Variants in R3HDM2 observed in about 807,000 individuals in gnomAD.
The protein encoded by R3HDM2 is R3H domain-containing protein 2.
Under a neutral mutation model 124.5 loss-of-function variants are expected in R3HDM2, and 38 were observed. The observed-to-expected ratio is 0.31, with a 90% CI of 0.24 to 0.40. The LOEUF (loss-of-function observed/expected upper bound fraction) is 0.40, where lower values mean the gene tolerates loss of function less well. Ranked by LOEUF, R3HDM2 falls within the 10% of genes least tolerant of loss-of-function variation. The probability of loss-of-function intolerance (pLI) is 1.00; values close to 1 mark genes in which losing one functional copy is unlikely to be tolerated. For synonymous variants in R3HDM2, 391 were observed against 448.0 expected (o/e 0.87, Z 1.61); for missense variants, 869 against 1,236.9 (o/e 0.70, Z 4.46).
At chr12:57,395,550 G>T (rs2067383948) in intron 2 of R3HDM2, among the ~76,000 whole-genome samples, 199 bp downstream of exon 2, 1 of 150,540 alleles carries the variant, frequency 6.6e-6, no homozygotes, top group South Asian at 2.2e-4. Context: ...AAAGTGCTGG[G>T]ATTACAGGTG....
intron 2 of R3HDM2, among the ~76,000 whole-genome samples, chr12:57,374,920 C>T (rs1373680331): frequency 1.3e-5 from 2 of 150,672 alleles, no homozygotes; most frequent in South Asian, 2.1e-4. Flanking sequence ...GGCGTGAACC[C>T]GGGAGGCGGA....
At chr12:57,383,623 G>A (rs897911041) in intron 2 of R3HDM2, among the ~76,000 whole-genome samples, 4 of 152,044 alleles carry the variant, frequency 2.6e-5, no homozygotes, top group Non-Finnish European at 4.4e-5. Context: ...CAGGAGAAAC[G>A]CTTGAACCCA....
intron 2 of R3HDM2, among the ~76,000 whole-genome samples, chr12:57,351,686 T>TG (rs1345170119): frequency 3.3e-5 from 5 of 152,166 alleles, no homozygotes; most frequent in Non-Finnish European, 5.9e-5. Context: ...ATATATAAAA[T>TG]GGGGTAACTC....
chr12:57,379,721 A>G (rs1201759390), intron 2 of R3HDM2, among the ~76,000 whole-genome samples: 1 of 152,180 alleles, frequency 6.6e-6, no homozygotes, highest in Non-Finnish European at 1.5e-5. Flanking sequence ...ATTGGCCACA[A>G]AAAGCAAATA....
intron 2 of R3HDM2, among the ~76,000 whole-genome samples, chr12:57,386,155 G>GCTCGCAGCCCTCCCTCGCAGCCCTCC (rs147848342): frequency 1.4e-5 from 2 of 147,368 alleles, no homozygotes; most frequent in Middle Eastern, 3.3e-3. Context: ...TGCTGGCAGC[G>GCTCGCAGCCCTCCCTCGCAGCCCTCC]CTCGCAGCCC....
At chr12:57,325,097 A>G (rs1326709406) in intron 2 of R3HDM2, among the ~76,000 whole-genome samples, 3 of 152,180 alleles carry the variant, frequency 2.0e-5, no homozygotes, top group Non-Finnish European at 1.5e-5. Context: ...CTAGCCTACA[A>G]AACTATAAGA....
At chr12:57,313,901 A>G (rs908080726) in intron 2 of R3HDM2, among the ~76,000 whole-genome samples, 2 of 151,014 alleles carry the variant, frequency 1.3e-5, no homozygotes, top group African/African-American at 4.9e-5. Context: ...AAAAAAAAAA[A>G]AAAAAGATCA....
At chr12:57,421,450 CTTTTT>C (rs71084752) in intron 1 of R3HDM2, among the ~76,000 whole-genome samples, 3 of 111,076 alleles carry the variant, frequency 2.7e-5, no homozygotes, top group African/African-American at 6.8e-5. Flanking sequence ...ACACCCAGCT[CTTTTT>C]TTTTTTTTTT....
intron 1 of R3HDM2, among the ~76,000 whole-genome samples, chr12:57,408,998 G>A (rs1191714129): frequency 1.3e-5 from 2 of 151,942 alleles, no homozygotes; most frequent in African/African-American, 4.8e-5. Context: ...CTCAGCAATT[G>A]ACTTAATTAA....
chr12:57,290,522 G>A (rs556293845), intron 11 of R3HDM2, among the ~76,000 whole-genome samples: 1 of 152,300 alleles, frequency 6.6e-6, no homozygotes, highest in South Asian at 2.1e-4. Flanking sequence ...CTACTTCATA[G>A]GCCTAGTATG....
At chr12:57,340,817 C>G (rs1028112032) in intron 2 of R3HDM2, among the ~76,000 whole-genome samples, 1 of 151,726 alleles carries the variant, frequency 6.6e-6, no homozygotes, top group African/African-American at 2.4e-5. Flanking sequence ...GTTTTTCAAA[C>G]TGACCTCTGC....
chr12:57,310,421 T>C lies in R3HDM2; in HGVS notation c.8A>G (p.Asn3Ser), dbSNP rs2053658138. 6.5e-7 allele frequency: 1 copy of C among 1,534,440 alleles called. No homozygotes were observed. The highest frequency in any genetic ancestry group is 2.1e-5 in the Admixed American group (1 of 47,558). The change falls in exon 3 of 24, where the codon AAC becomes AGC. Residue 3 changes from asparagine to serine, a missense_variant. Asn to Ser is a conservative substitution (Grantham distance 46). Coordinates refer to ENST00000402412, the MANE Select transcript of R3HDM2 (RefSeq NM_001394031.1). MS[N>S]SNTTQETLEI... ...CAGGGTCTCTTGAGTAGTGTTACTGTTAGACATGTTCTTCAATAGAATACA... is the reference window on the plus strand; with the variant it reads ...CAGGGTCTCTTGAGTAGTGTTACTGCTAGACATGTTCTTCAATAGAATACA...
At chr12:57,404,081 T>TTTTTTTTTTTTTG (rs2068297377) in intron 1 of R3HDM2, among the ~76,000 whole-genome samples, 1 of 143,972 alleles carries the variant, frequency 6.9e-6, no homozygotes, top group African/African-American at 2.5e-5. Flanking sequence ...TTTTTTTTTT[T>TTTTTTTTTTTTTG]GAGATGGAGT....
chr12:57,401,204 A>G (rs2068011840), intron 1 of R3HDM2, among the ~76,000 whole-genome samples: 1 of 151,516 alleles, frequency 6.6e-6, no homozygotes, highest in Admixed American at 6.6e-5. Flanking sequence ...AGTGTAGTTC[A>G]TTTCCCCACC....
rs140144609 is a variant in R3HDM2 at position 57,331,870 on chromosome 12, C to T, written c.-35-21407G>A. On this transcript the variant is annotated intron_variant, in intron 2 of 23. Transcript: ENST00000402412. ...CGGAGCTTGCAGTGAGCCAAGATCA[C>T]GCCACTGTACTACAGTGTGGGTGAC... Among the ~76,000 whole-genome samples, 9 of 150,784 alleles carry T rather than the reference C, an allele frequency of 6.0e-5. No individual in the cohort carries two copies. The South Asian group carries it at 6.3e-4, about 11-fold the overall frequency.
chr12:57,386,751 G>A (rs923885826), intron 2 of R3HDM2, among the ~76,000 whole-genome samples: 1 of 152,210 alleles, frequency 6.6e-6, no homozygotes, highest in African/African-American at 2.4e-5. Context: ...TGGGGACTTG[G>A]AGAATCTTTA....
chr12:57,254,612 G>A lies in R3HDM2; in HGVS notation c.*161C>T. On this transcript the variant is annotated 3_prime_UTR_variant, in exon 24 of 24. Coordinates refer to ENST00000402412, the MANE Select transcript of R3HDM2 (RefSeq NM_001394031.1). Reference sequence around the variant, plus strand: ...GCAGGGGAGCAAGAAGGAGTCCAATGCCAGTGTAGGTATCTGTGTTTCCAT... The same window carrying A: ...GCAGGGGAGCAAGAAGGAGTCCAATACCAGTGTAGGTATCTGTGTTTCCAT... 1 of 638,750 alleles carries A rather than the reference G, an allele frequency of 1.6e-6. No homozygotes were observed. The highest frequency in any genetic ancestry group is 3.0e-5 in the East Asian group (1 of 33,516). 39.6% of individuals were successfully genotyped at this position (638,750 alleles called of 1,614,324 possible).
intron 4 of R3HDM2, among the ~76,000 whole-genome samples, chr12:57,302,271 T>A (rs895947960): frequency 3.3e-5 from 5 of 151,554 alleles, no homozygotes; most frequent in Non-Finnish European, 7.4e-5. Context: ...TAAGACTCCA[T>A]CTCAAAAAGA....
At chr12:57,363,614 TG>T (rs2062213236) in intron 2 of R3HDM2, among the ~76,000 whole-genome samples, 1 of 152,226 alleles carries the variant, frequency 6.6e-6, no homozygotes, top group Non-Finnish European at 1.5e-5. Flanking sequence ...AAATTTGAGA[TG>T]GATATGCTAA....
Sources: allele counts gnomAD v4.1 joint callset (sites outside exome capture counted in the v4.1 genomes callset), GRCh38; gene constraint gnomAD v4.1.1; transcripts MANE v1.5; gene names NCBI Gene and HGNC (gene_info 2026-07-23, HGNC 2026-07-21).